Variants in PLBD2 observed in about 807,000 individuals in gnomAD.
PLBD2 encodes the protein putative aminopeptidase PLBD2.
A neutral mutation model predicts 68.3 loss-of-function variants in PLBD2; 51 were observed. The ratio of observed to expected loss-of-function variants is 0.75; its 90% CI spans 0.60 to 0.94. The LOEUF is 0.94. PLBD2 is among the 40% of genes least tolerant of loss of function. The probability of loss-of-function intolerance (pLI) is 0.00; values close to 1 mark genes in which losing one functional copy is unlikely to be tolerated. For missense variants in PLBD2, 729 were observed against 792.2 expected (o/e 0.92, Z 0.96); for synonymous variants, 314 against 339.3 (o/e 0.93, Z 0.82).
intron 3 of PLBD2, 69 bp from the exon 4 acceptor site, chr12:113,374,405 C>A (rs550667019): frequency 4.1e-5 from 44 of 1,085,260 alleles, no homozygotes; most frequent in Non-Finnish European, 6.0e-5. Flanking sequence ...GAGCCCGTCC[C>A]GTTGAAGGAG....
intron 5 of PLBD2, among the ~76,000 whole-genome samples, chr12:113,378,293 A>G (rs1382665091): frequency 2.7e-5 from 4 of 148,250 alleles, no homozygotes; most frequent in Admixed American, 1.3e-4. Context: ...CTCTGTCTCA[A>G]AAAAAAAAAA....
intron 9 of PLBD2, among the ~76,000 whole-genome samples, chr12:113,386,173 G>T (rs1957550283): frequency 6.8e-6 from 1 of 146,434 alleles, no homozygotes; most frequent in Admixed American, 6.7e-5. Flanking sequence ...AGTTGGTTTT[G>T]TTGTTGTTGT....
chr12:113,369,439 C>T (rs1957369986), intron 2 of PLBD2, among the ~76,000 whole-genome samples: 1 of 152,152 alleles, frequency 6.6e-6, no homozygotes, highest in Admixed American at 6.6e-5. Context: ...TTATAAAGCT[C>T]AATAACAAGT....
chr12:113,385,215 C>T lies in PLBD2; in HGVS notation c.1218C>T (p.Gly406=). 6.2e-7 allele frequency: 1 copy of T among 1,614,136 alleles called. No individual in the cohort carries two copies. Among genetic ancestry groups the T allele is most frequent in the Non-Finnish European group, 8.5e-7 (1 of 1,179,972 alleles). Residue 406 remains glycine (G), a synonymous_variant, in exon 9 of 12, where the codon GGC becomes GGT. Coordinates refer to ENST00000280800, the MANE Select transcript of PLBD2 (RefSeq NM_173542.4). ...CCATCTCTCTTCTCGGTCTCAGCGG[C>T]ATGGTGGTGGTGGCTGACAAGACCT... The part of the protein sequence containing the change: ...RVLTILEQIP[G]MVVVADKTSE...
At chr12:113,363,797 A>C (rs896857049) in intron 1 of PLBD2, among the ~76,000 whole-genome samples, 7 of 152,110 alleles carry the variant, frequency 4.6e-5, no homozygotes, top group Non-Finnish European at 1.0e-4. Context: ...TCAGCCTCCC[A>C]GAGTGTTGGG....
chr12:113,359,446 C>T (rs184230299), intron 1 of PLBD2: 8 of 152,528 alleles, frequency 5.2e-5, no homozygotes, highest in African/African-American at 1.7e-4. Context: ...CCTAAAGTCA[C>T]ATAGACCCAT....
intron 1 of PLBD2, among the ~76,000 whole-genome samples, chr12:113,367,748 C>CAAAAAAAAA (rs563757349): frequency 1.6e-5 from 1 of 64,288 alleles, no homozygotes; most frequent in East Asian, 4.3e-4. Context: ...GATGCTGTCT[C>CAAAAAAAAA]AAAAAAAAAA....
Position 113,389,861 on chromosome 12 carries a change from C to G in PLBD2, c.*1235C>G, listed in dbSNP as rs1364100426. On this transcript the variant is annotated 3_prime_UTR_variant, in exon 12 of 12. Transcript: ENST00000280800. ...AGCTGGGGTTACAGGCATGAGCCAC[C>G]ATGCCTGGCTAATTTTGTATTTTTA... 6.6e-6 allele frequency: 1 copy of G among 152,146 alleles called. No individual in the cohort carries two copies. The highest frequency in any genetic ancestry group is 2.4e-5 in the African/African-American group (1 of 41,406). The allele number at this position is 152,146 out of a possible 1,614,324, so 9.4% of individuals were successfully genotyped here.
At chr12:113,387,665 GC>G in intron 10 of PLBD2, 78 bp from the exon 11 acceptor site, 3 of 1,471,650 alleles carry the variant, frequency 2.0e-6, no homozygotes, top group Non-Finnish European at 2.8e-6. Flanking sequence ...TGTTAACGGG[GC>G]TGCCTGTGAG....
intron 5 of PLBD2, among the ~76,000 whole-genome samples, chr12:113,377,974 A>G (rs1025395389): frequency 6.6e-6 from 1 of 152,220 alleles, no homozygotes; most frequent in Non-Finnish European, 1.5e-5. Flanking sequence ...TTCTGTGAAC[A>G]TTTGGTTATG....
chr12:113,386,139 C>G (rs564906492), intron 9 of PLBD2, among the ~76,000 whole-genome samples: 7 of 152,204 alleles, frequency 4.6e-5, no homozygotes, highest in Non-Finnish European at 2.9e-5. Context: ...AAATGGAAGA[C>G]ATTATTGTTA....
chr12:113,372,937 C>G lies in PLBD2; in HGVS notation c.543+130C>G. The G allele has an allele frequency of 1.9e-6, 2 of 1,045,106 alleles. No individual in the cohort carries two copies. Among genetic ancestry groups the G allele is most frequent in the Non-Finnish European group, 2.7e-6 (2 of 735,712 alleles). 64.7% of individuals were successfully genotyped at this position (1,045,106 alleles called of 1,614,324 possible). ...CCTCTGTTTCCATCATCATCTCCAT[C>G]CCTCCTAGCCGACCTGCCACTCATC... On this transcript the variant is annotated intron_variant, in intron 3 of 11. Coordinates refer to ENST00000280800, the MANE Select transcript of PLBD2 (RefSeq NM_173542.4). This position sits in a 1 kb window ranked among gnomAD's most constrained non-coding sequence, Gnocchi z 4.2.
At chr12:113,359,370 C>T (rs1957265581) in intron 1 of PLBD2, 1 of 154,306 alleles carries the variant, frequency 6.5e-6, no homozygotes, top group African/African-American at 2.4e-5. Flanking sequence ...AGCACCCTGC[C>T]TCCCTTCCAG....
intron 5 of PLBD2, chr12:113,376,668 C>G (rs908523308): frequency 1.3e-5 from 2 of 152,188 alleles, no homozygotes; most frequent in African/African-American, 4.8e-5. Flanking sequence ...AATGTGAAAA[C>G]TGGCTGGGCA....
chr12:113,385,187 A>C, intron 8 of PLBD2, 25 bp from the exon 9 acceptor site: 1 of 1,612,958 alleles, frequency 6.2e-7, no homozygotes, highest in Non-Finnish European at 8.5e-7. Context: ...GATCACCTCC[A>C]CCCCATCTCT....
At position 113,372,794 on chromosome 12, in the gene PLBD2, C is replaced by G. The variant is rs1403595451; in HGVS notation, c.530C>G (p.Pro177Arg). The stretch of plus-strand genomic sequence containing the variant: ...GAGATGGAGTCAAACCCAGACTCAC[C>G]TTACTGGCACCAGGTGAGTCCTGCT... ...QEEMESNPDS[P>R]YWHQVRLTLL... Residue 177 changes from proline to arginine, a missense_variant, in exon 3 of 12, where the codon CCT becomes CGT. By Grantham distance (103) the Pro-to-Arg change is moderately radical. Transcript: ENST00000280800. This position sits in a 1 kb window ranked among gnomAD's most constrained non-coding sequence, Gnocchi z 4.2. 2.5e-6 allele frequency: 4 copies of G among 1,613,212 alleles called. No homozygotes were observed. In the East Asian group the frequency reaches 8.9e-5, roughly 36 times the overall value.
chr12:113,372,632 C>A lies in PLBD2; in HGVS notation c.385-17C>A. The A allele has an allele frequency of 6.2e-7, 1 of 1,607,894 alleles. No individual in the cohort carries two copies. The highest frequency in any genetic ancestry group is 8.5e-7 in the Non-Finnish European group (1 of 1,175,386). ...CCCAGCTGCCCGCCCTTGCCTCGCC[C>A]ACCCCCTACCCCACAGCTCATCTAC... On this transcript the variant is annotated splice_polypyrimidine_tract_variant and intron_variant, in intron 2 of 11. Transcript: ENST00000280800. This position sits in a 1 kb window ranked among gnomAD's most constrained non-coding sequence, Gnocchi z 4.2.
chr12:113,372,552 C>CAG lies in PLBD2; in HGVS notation c.385-96_385-95dup. On this transcript the variant is annotated intron_variant, in intron 2 of 11. Coordinates refer to ENST00000280800, the MANE Select transcript of PLBD2 (RefSeq NM_173542.4). The surrounding 1 kb of genome is among the most constrained non-coding windows in gnomAD (Gnocchi z 4.2). ...TGAGCAAGGACTCAGGTGGCCACAC[C>CAG]AGCAGCCTCCGCTCTGGGGCAGCCT... 3 of 1,359,760 alleles carry CAG rather than the reference C, an allele frequency of 2.2e-6. No individual in the cohort carries two copies. The highest frequency in any genetic ancestry group is 3.0e-6 in the Non-Finnish European group (3 of 985,506). The allele number at this position is 1,359,760 out of a possible 1,614,324, so 84.2% of individuals were successfully genotyped here. A position where few individuals can be genotyped will look rare whatever the true frequency, so the allele number is the denominator to read the frequency against.
chr12:113,384,861 C>G lies in PLBD2; in HGVS notation c.1129C>G (p.Gln377Glu). ...TCCCCTGCCCGGCAGGTATAACAAC[C>G]AGTGGATGATCGTGGACTACAAGGC... is the stretch of plus-strand genomic sequence containing the variant. ...KRFNSGTYNN[Q>E]WMIVDYKAFI... The change falls in exon 8 of 12, where the codon CAG (glutamine) becomes GAG (glutamate). Residue 377 changes from glutamine to glutamate, a missense_variant. Gln to Glu is a conservative substitution (Grantham distance 29, BLOSUM62 2). Coordinates refer to ENST00000280800, the MANE Select transcript of PLBD2 (RefSeq NM_173542.4). This position sits in a 1 kb window ranked among gnomAD's most constrained non-coding sequence, Gnocchi z 4.2. 7 of 1,613,980 alleles carry G rather than the reference C, an allele frequency of 4.3e-6. No homozygotes were observed. The highest frequency in any genetic ancestry group is 5.1e-6 in the Non-Finnish European group (6 of 1,179,976).
Sources: allele counts gnomAD v4.1 joint callset (sites outside exome capture counted in the v4.1 genomes callset), GRCh38; gene constraint gnomAD v4.1.1; non-coding constraint Gnocchi (gnomAD v3.1); transcripts MANE v1.5; gene names NCBI Gene and HGNC (gene_info 2026-07-23, HGNC 2026-07-21).